Variants in TNS3 observed in about 807,000 individuals in gnomAD.
TNS3 encodes tensin 3, also known as tensin-3.
Under a neutral mutation model 140.9 loss-of-function variants are expected in TNS3, and 45 were observed. The observed-to-expected ratio is 0.32, with a 90% CI of 0.25 to 0.41. TNS3 has a LOEUF of 0.41. Ranked by LOEUF, TNS3 falls within the 10% of genes least tolerant of loss-of-function variation. The pLI is 1.00. For synonymous variants in TNS3, 815 were observed against 788.4 expected, an observed-to-expected ratio of 1.03 and a Z score of -0.56; for missense variants, 1,716 against 1,906.7, an observed-to-expected ratio of 0.90 and a Z score of 1.86.
Position 47,392,381 on chromosome 7 carries a change from T to C in TNS3, c.1024+4419A>G, listed in dbSNP as rs529978215. On this transcript the variant is annotated intron_variant, in intron 16 of 30. Coordinates refer to ENST00000311160, the MANE Select transcript of TNS3 (RefSeq NM_022748.12). Reference sequence around the variant, plus strand: ...CCAGCGCTCCCCTAACAGGCCCAGATTGAAGGCAGCTGCAGAGGGCTCCAT... The same window carrying C: ...CCAGCGCTCCCCTAACAGGCCCAGACTGAAGGCAGCTGCAGAGGGCTCCAT... 5.3e-5 allele frequency among the ~76,000 whole-genome samples: 8 copies of C among 152,290 alleles called. No individual in the cohort carries two copies. In the East Asian group the frequency reaches 9.7e-4, roughly 18 times the overall value.
intron 1 of TNS3, among the ~76,000 whole-genome samples, chr7:47,550,839 T>C (rs1223243064): frequency 6.6e-6 from 1 of 152,216 alleles, no homozygotes; most frequent in Non-Finnish European, 1.5e-5. Flanking sequence ...TTCACTTATA[T>C]GGAAAACGCC....
chr7:47,384,301 G>A (rs139047049), intron 16 of TNS3, among the ~76,000 whole-genome samples: 102 of 152,238 alleles, frequency 6.7e-4, no homozygotes, highest in Non-Finnish European at 1.3e-3. Context: ...GGGGCAGCCT[G>A]TGCCTCCTGC....
chr7:47,507,609 T>A (rs1360590594), intron 2 of TNS3, among the ~76,000 whole-genome samples: 3 of 152,114 alleles, frequency 2.0e-5, no homozygotes, highest in Admixed American at 6.5e-5. Context: ...GCCCTAACAA[T>A]GCAATGCAGA....
At chr7:47,529,006 T>A (rs1174491766) in intron 2 of TNS3, 30 bp downstream of exon 2, 1 of 1,202,942 alleles carries the variant, frequency 8.3e-7, no homozygotes, top group East Asian at 5.7e-5. Flanking sequence ...TCTGGATTAA[T>A]CAGTGAGAGA....
chr7:47,356,122 T>A (rs1384773397), intron 17 of TNS3, among the ~76,000 whole-genome samples: 1 of 152,270 alleles, frequency 6.6e-6, no homozygotes, highest in South Asian at 2.1e-4. Context: ...AGAACCACCC[T>A]GCGGCACGTT....
At position 47,293,750 on chromosome 7, in the gene TNS3, G is replaced by C. The variant is rs752981720; in HGVS notation, c.3755C>G (p.Ser1252Trp). 4 of 1,614,074 alleles carry C rather than the reference G, an allele frequency of 2.5e-6. No individual in the cohort carries two copies. Among genetic ancestry groups the C allele is most frequent in the South Asian group, 2.2e-5 (2 of 91,062 alleles). ...TPKGVRLKGC[S>W]NEPYFGSLTA... ...CAACTCACCGAAATATGGTTCATTC[G>C]AGCACCCTTTCAACCGCACTCCCTT... The change falls in exon 25 of 31, where the codon TCG becomes TGG. Residue 1252 changes from serine (S) to tryptophan (W), a missense_variant. Physicochemically the swap from Ser to Trp is radical, Grantham distance 177. Around this residue, in one of 3 missense-constraint regions of TNS3, gnomAD observed 216 missense variants for 295.7 expected, o/e 0.73. Transcript: ENST00000311160.
At chr7:47,536,241 C>A (rs1234530809) in intron 1 of TNS3, among the ~76,000 whole-genome samples, 2 of 152,194 alleles carry the variant, frequency 1.3e-5, no homozygotes, top group African/African-American at 4.8e-5. Context: ...CCCACAGAAC[C>A]TTACAAAAGC....
intron 15 of TNS3, 64 bp from the exon 16 acceptor site, chr7:47,396,968 C>A: frequency 8.4e-7 from 1 of 1,190,070 alleles, no homozygotes; most frequent in Non-Finnish European, 1.3e-6. Context: ...CCAACCGACT[C>A]CACCATAAGG....
chr7:47,342,004 A>G (rs1268337217), intron 20 of TNS3, among the ~76,000 whole-genome samples: 1 of 151,992 alleles, frequency 6.6e-6, no homozygotes, highest in East Asian at 1.9e-4. Flanking sequence ...TCAGTTTCCA[A>G]GTGTTGAAGG....
intron 20 of TNS3, among the ~76,000 whole-genome samples, chr7:47,325,853 AT>A (rs928941546): frequency 6.6e-6 from 1 of 152,008 alleles, no homozygotes. Flanking sequence ...CTTGGATGTT[AT>A]TTTTTTTAAA....
intron 20 of TNS3, among the ~76,000 whole-genome samples, chr7:47,325,647 G>C (rs1787987294): frequency 6.6e-6 from 1 of 152,298 alleles, no homozygotes; most frequent in South Asian, 2.1e-4. Flanking sequence ...TCTGTTTACA[G>C]TCCCTCCTGA....
At chr7:47,288,542 T>G (rs1785536531) in intron 27 of TNS3, among the ~76,000 whole-genome samples, 1 of 152,226 alleles carries the variant, frequency 6.6e-6, no homozygotes, top group Admixed American at 6.5e-5. Flanking sequence ...AGTGAGCTGC[T>G]CATCAGATAG....
At chr7:47,385,005 A>T (rs951111219) in intron 16 of TNS3, among the ~76,000 whole-genome samples, 7 of 152,038 alleles carry the variant, frequency 4.6e-5, no homozygotes, top group African/African-American at 1.7e-4. Flanking sequence ...CCAGCTCTCA[A>T]CACCTCCACT....
At chr7:47,412,595 C>CA (rs1174376933) in intron 12 of TNS3, among the ~76,000 whole-genome samples, 4 of 151,146 alleles carry the variant, frequency 2.6e-5, no homozygotes, top group African/African-American at 7.3e-5. Flanking sequence ...GATGCTCTCT[C>CA]AAAAAAAATA....
intron 1 of TNS3, among the ~76,000 whole-genome samples, chr7:47,556,235 C>G (rs1330263827): frequency 6.6e-6 from 1 of 152,222 alleles, no homozygotes; most frequent in Admixed American, 6.5e-5. Context: ...TTCTAGTAAA[C>G]TGCAGAAGAT....
intron 2 of TNS3, among the ~76,000 whole-genome samples, chr7:47,509,528 A>AGCCAAGG (rs1456289010): frequency 1.3e-5 from 2 of 152,274 alleles, no homozygotes; most frequent in East Asian, 3.9e-4. Flanking sequence ...AGGGTGACTC[A>AGCCAAGG]GCCAAGGGGG....
intron 4 of TNS3, among the ~76,000 whole-genome samples, chr7:47,442,459 G>A (rs1623328): frequency 0.37 from 56,569 of 152,122 alleles, 10,681 homozygotes; most frequent in Non-Finnish European, 0.4. Context: ...GGAATTCTCA[G>A]TCATACCTAC....
intron 1 of TNS3, chr7:47,539,367 G>T (rs537176693): frequency 5.9e-6 from 2 of 338,770 alleles, no homozygotes; most frequent in South Asian, 4.7e-5. Flanking sequence ...AATATCGTGC[G>T]TGTGATAAAC....
chr7:47,554,368 A>T lies in TNS3; in HGVS notation c.-264-25221T>A, dbSNP rs550181100. On this transcript the variant is annotated intron_variant, in intron 1 of 30. Transcript: ENST00000311160. The stretch of plus-strand genomic sequence containing the variant: ...AGGAGGCAGAGGTTGCAGTGAGCTG[A>T]GATTGCGCCACTGCACTCCAGTCTG... Among the ~76,000 whole-genome samples, 5 of 150,678 alleles carry T rather than the reference A, an allele frequency of 3.3e-5. No homozygotes were observed. The South Asian group carries it at 1.1e-3, about 32-fold the overall frequency.
Sources: gnomAD v4.1 joint callset for allele counts (sites outside exome capture counted in the v4.1 genomes callset) on GRCh38, gnomAD v4.1.1 for gene constraint, gnomAD v4.1.1 regional missense constraint, MANE v1.5 for transcripts, NCBI Gene and HGNC (gene_info 2026-07-23, HGNC 2026-07-21) for gene names.